WHRN: variants seen among roughly 807,000 people sequenced by gnomAD.
WHRN encodes the protein whirlin.
A neutral mutation model predicts 68.3 loss-of-function variants in WHRN; 41 were observed. The observed-to-expected ratio is 0.60, with a 90% confidence interval of 0.47 to 0.78. The LOEUF is 0.78. WHRN is among the 30% of genes least tolerant of loss of function. The pLI is 0.00. For missense variants in WHRN, 1,243 were observed against 1,244.7 expected (o/e 1.00, Z 0.02); for synonymous variants, 560 against 561.3 (o/e 1.00, Z 0.03).
At chr9:114,498,772 G>C (rs1489308475) in intron 1 of WHRN, among the ~76,000 whole-genome samples, 1 of 152,120 alleles carries the variant, frequency 6.6e-6, no homozygotes, top group Admixed American at 6.5e-5. Context: ...TCCAAGCAAG[G>C]AGGCCACTTG....
chr9:114,476,332 T>G (rs559714287), intron 2 of WHRN, among the ~76,000 whole-genome samples: 4 of 152,122 alleles, frequency 2.6e-5, no homozygotes, highest in African/African-American at 9.6e-5. Context: ...CCCTCCCATC[T>G]GCTCAATCCT....
chr9:114,407,909 C>T, intron 8 of WHRN, 38 bp downstream of exon 8: 2 of 1,552,536 alleles, frequency 1.3e-6, no homozygotes, highest in Non-Finnish European at 1.8e-6. Flanking sequence ...CTGAGCACAC[C>T]AGGGAGAGCA....
intron 3 of WHRN, among the ~76,000 whole-genome samples, chr9:114,462,238 G>T (rs75335190): frequency 0.013 from 2,009 of 152,262 alleles, 26 homozygotes; most frequent in Non-Finnish European, 0.018. Context: ...ACAGAGCAGG[G>T]TGTTCTGGAA....
chr9:114,462,694 G>C (rs1564184019), intron 3 of WHRN, among the ~76,000 whole-genome samples: 1 of 152,232 alleles, frequency 6.6e-6, no homozygotes, highest in Non-Finnish European at 1.5e-5. Flanking sequence ...TTGCTGGAGT[G>C]AGTTAAAATC....
intron 8 of WHRN, among the ~76,000 whole-genome samples, chr9:114,407,693 G>GCTCAAA (rs111255846): frequency 6.6e-6 from 1 of 151,674 alleles, no homozygotes; most frequent in Non-Finnish European, 1.5e-5. Flanking sequence ...TAAGAAACTT[G>GCTCAAA]GTCATACTGT....
intron 1 of WHRN, among the ~76,000 whole-genome samples, chr9:114,490,949 A>T (rs2133304731): frequency 6.6e-6 from 1 of 152,358 alleles, no homozygotes; most frequent in South Asian, 2.1e-4. Context: ...AGTCTGTTAT[A>T]ATTTAAGTAA....
intron 3 of WHRN, among the ~76,000 whole-genome samples, chr9:114,454,502 T>C (rs1310359724): frequency 6.6e-6 from 1 of 152,184 alleles, no homozygotes; most frequent in Non-Finnish European, 1.5e-5. Flanking sequence ...CTGAAAATAC[T>C]TAGGTATACA....
At position 114,495,187 on chromosome 9, in the gene WHRN, C is replaced by T. The variant is rs115097747; in HGVS notation, c.618+8997G>A. 5.6e-3 allele frequency among the ~76,000 whole-genome samples: 851 copies of T among 152,376 alleles called. 4 individuals carry two copies. Among genetic ancestry groups the T allele is most frequent in the African/African-American group, 0.02 (817 of 41,584 alleles). Reference sequence around the variant, plus strand: ...GCAGCCCAAACACCAGGTTGAGGAGCTTGGCGTCTGCCCTGCAGGCTCCCA... The same window carrying T: ...GCAGCCCAAACACCAGGTTGAGGAGTTTGGCGTCTGCCCTGCAGGCTCCCA... On this transcript the variant is annotated intron_variant, in intron 1 of 11. Transcript: ENST00000362057.
intron 1 of WHRN, among the ~76,000 whole-genome samples, chr9:114,485,752 C>A (rs991367786): frequency 2.0e-5 from 3 of 151,990 alleles, no homozygotes; most frequent in Admixed American, 1.3e-4. Flanking sequence ...GGCCTGCAAC[C>A]CCAGCACTTT....
At chr9:114,438,723 T>C (rs1368776661) in intron 3 of WHRN, among the ~76,000 whole-genome samples, 1 of 152,110 alleles carries the variant, frequency 6.6e-6, no homozygotes, top group Non-Finnish European at 1.5e-5. Flanking sequence ...AGTGCTGGGA[T>C]TACAGGCATG....
chr9:114,453,094 T>C (rs1217309219), intron 3 of WHRN, among the ~76,000 whole-genome samples: 1 of 152,206 alleles, frequency 6.6e-6, no homozygotes, highest in Non-Finnish European at 1.5e-5. Flanking sequence ...GGGTAATTTA[T>C]AAAGAAAAGA....
chr9:114,410,311 TCTCTC>T (rs1368006200), intron 7 of WHRN, among the ~76,000 whole-genome samples: 2 of 152,214 alleles, frequency 1.3e-5, no homozygotes, highest in African/African-American at 4.8e-5. Context: ...CGGTCCTCAC[TCTCTC>T]CTCACTTTTC....
chr9:114,449,862 G>C (rs542287930), intron 3 of WHRN, among the ~76,000 whole-genome samples: 1 of 152,304 alleles, frequency 6.6e-6, no homozygotes, highest in Admixed American at 6.5e-5. Flanking sequence ...TCATGTGCCA[G>C]GCACTGGGCT....
At chr9:114,423,641 G>T in intron 6 of WHRN, 118 bp from the exon 7 acceptor site, 1 of 986,010 alleles carries the variant, frequency 1.0e-6, no homozygotes, top group Admixed American at 2.7e-5. Context: ...CTCCTTAACT[G>T]TCTGGCTCCC....
intron 2 of WHRN, among the ~76,000 whole-genome samples, chr9:114,469,455 T>C (rs1841007267): frequency 6.6e-6 from 1 of 152,182 alleles, no homozygotes; most frequent in Admixed American, 6.5e-5. Flanking sequence ...AAGGCGCTCC[T>C]CCTCAGGGCA....
Position 114,402,889 on chromosome 9 carries a change from C to G in WHRN, c.2589G>C (p.Val863=), listed in dbSNP as rs1834773890. 1 of 1,613,796 alleles carries G rather than the reference C, an allele frequency of 6.2e-7. No homozygotes were observed. The highest frequency in any genetic ancestry group is 1.3e-5 in the African/African-American group (1 of 74,942). ...HNCGQLKVGH[V]ILEVNGLTLR... is the part of the protein sequence containing the mutation. ...GCGTCAGCCCATTCACTTCCAGAAT[C>G]ACGTGGCCCACCTTGAGCTGCCCAC... is the stretch of plus-strand genomic sequence containing the variant. Residue 863 remains valine (V), a synonymous_variant, in exon 12 of 12, where the codon GTG becomes GTC. Transcript: ENST00000362057.
chr9:114,410,302 G>A (rs985867652), intron 7 of WHRN, among the ~76,000 whole-genome samples: 3 of 152,148 alleles, frequency 2.0e-5, no homozygotes, highest in Non-Finnish European at 4.4e-5. Flanking sequence ...GCAACTACTC[G>A]GTCCTCACTC....
chr9:114,413,306 A>T (rs1835583275), intron 7 of WHRN, among the ~76,000 whole-genome samples: 1 of 152,264 alleles, frequency 6.6e-6, no homozygotes, highest in Admixed American at 6.5e-5. Context: ...GAAGAAGCAA[A>T]GAAAAGAGCA....
In WHRN at chr9:114,406,349, A is replaced by T. The variant is rs1835024592; in HGVS notation, c.2236+6T>A. ...GGACCACAGAGCCTGGCCTTGCTGTACTCACTGCGCGTCTGGGGCAGCGCC... is the reference window on the plus strand; with the variant it reads ...GGACCACAGAGCCTGGCCTTGCTGTTCTCACTGCGCGTCTGGGGCAGCGCC... On this transcript the variant is annotated splice_donor_region_variant and intron_variant, in intron 9 of 11. Transcript: ENST00000362057. The T allele has an allele frequency of 9.9e-6, 16 of 1,613,928 alleles. No individual in the cohort carries two copies. The East Asian group carries it at 3.6e-4, about 36-fold the overall frequency.
Sources: gnomAD v4.1 joint callset for allele counts (sites outside exome capture counted in the v4.1 genomes callset) on GRCh38, gnomAD v4.1.1 for gene constraint, MANE v1.5 for transcripts, NCBI Gene and HGNC (gene_info 2026-07-23, HGNC 2026-07-21) for gene names.